CPE: variants seen among roughly 807,000 people sequenced by gnomAD.
The protein encoded by CPE is carboxypeptidase E.
A neutral mutation model predicts 53.5 loss-of-function variants in CPE; 17 were observed. The observed-to-expected ratio is 0.32, with a 90% confidence interval of 0.22 to 0.48. The LOEUF is 0.48. CPE is among the 20% of genes least tolerant of loss of function. The pLI is 0.99. For missense variants in CPE, 524 were observed against 614.7 expected (o/e 0.85, Z 1.56); for synonymous variants, 226 against 228.8 (o/e 0.99, Z 0.11).
intron 1 of CPE, among the ~76,000 whole-genome samples, chr4:165,393,374 C>A (rs1015731032): frequency 6.6e-6 from 1 of 152,134 alleles, no homozygotes; most frequent in East Asian, 1.9e-4. Context: ...CTAATTTTTC[C>A]AATTATAGGT....
Position 165,404,185 on chromosome 4 carries a change from A to C in CPE, c.307+24657A>C, listed in dbSNP as rs1442882202. The C allele has an allele frequency of 6.6e-6, 5 of 760,196 alleles. No individual in the cohort carries two copies. The East Asian group carries it at 9.9e-5, about 15-fold the overall frequency. 47.1% of individuals were successfully genotyped at this position (760,196 alleles called of 1,614,324 possible). ...GCCGGTCCACTATCTTCTGGGCTTC[A>C]TACAGATCCACAAAGCAGAAAGGCC... On this transcript the variant is annotated intron_variant, in intron 1 of 8. Coordinates refer to ENST00000402744, the MANE Select transcript of CPE (RefSeq NM_001873.4).
rs375524593 is a variant in CPE, at chr4:165,397,637, G to A, written c.307+18109G>A. Reference sequence around the variant, plus strand: ...TACCATCTTATCTTGATTATACAACGTATTTCCAAATATTATTTTAGATTC... The same window carrying A: ...TACCATCTTATCTTGATTATACAACATATTTCCAAATATTATTTTAGATTC... On this transcript the variant is annotated intron_variant, in intron 1 of 8. Coordinates refer to ENST00000402744, the MANE Select transcript of CPE (RefSeq NM_001873.4). Among the ~76,000 whole-genome samples, 17 of 152,082 alleles carry A rather than the reference G, an allele frequency of 1.1e-4. 2 individuals are homozygous for A. Among genetic ancestry groups the A allele is most frequent in the Admixed American group, 3.3e-4 (5 of 15,258 alleles).
chr4:165,470,185 G>T (rs1370007440), intron 3 of CPE, among the ~76,000 whole-genome samples: 1 of 152,176 alleles, frequency 6.6e-6, no homozygotes, highest in African/African-American at 2.4e-5. Context: ...AGGAGGTAAA[G>T]TACACTTGGA....
intron 1 of CPE, among the ~76,000 whole-genome samples, chr4:165,407,026 A>G (rs1267881750): frequency 1.3e-5 from 2 of 152,188 alleles, no homozygotes; most frequent in African/African-American, 2.4e-5. Flanking sequence ...TTTGTCTATC[A>G]TGAACAAGGC....
At chr4:165,486,731 GTTATC>G in intron 5 of CPE, among the ~76,000 whole-genome samples, 1 of 152,162 alleles carries the variant, frequency 6.6e-6, no homozygotes, top group East Asian at 1.9e-4. Flanking sequence ...TTTTGTCTGC[GTTATC>G]TTATGTAAAA....
At chr4:165,404,309 T>G in intron 1 of CPE, 3 of 771,648 alleles carry the variant, frequency 3.9e-6, no homozygotes, top group Non-Finnish European at 7.3e-6. Flanking sequence ...GACTGCCTCA[T>G]TCACAAATCT....
intron 1 of CPE, among the ~76,000 whole-genome samples, chr4:165,389,260 G>A (rs1327232641): frequency 2.6e-5 from 4 of 152,166 alleles, no homozygotes; most frequent in East Asian, 3.9e-4. Flanking sequence ...TGCAGAAGTC[G>A]TCTTTGTTTT....
At chr4:165,424,951 T>G (rs1032670313) in intron 1 of CPE, among the ~76,000 whole-genome samples, 3 of 150,822 alleles carry the variant, frequency 2.0e-5, no homozygotes, top group Non-Finnish European at 4.4e-5. Context: ...CTTGGCTCAC[T>G]GCAACCTACA....
chr4:165,425,957 T>A (rs998608598), intron 1 of CPE, among the ~76,000 whole-genome samples: 1 of 152,210 alleles, frequency 6.6e-6, no homozygotes, highest in African/African-American at 2.4e-5. Flanking sequence ...GTAGCTTACA[T>A]GCTACCTATT....
At chr4:165,491,070 G>A (rs959862364) in intron 6 of CPE, among the ~76,000 whole-genome samples, 11 of 152,238 alleles carry the variant, frequency 7.2e-5, no homozygotes, top group Non-Finnish European at 1.5e-4. Context: ...TACTACACTG[G>A]AATTTTTCAA....
At chr4:165,417,362 A>G (rs1435714582) in intron 1 of CPE, among the ~76,000 whole-genome samples, 1 of 152,224 alleles carries the variant, frequency 6.6e-6, no homozygotes, top group Non-Finnish European at 1.5e-5. Flanking sequence ...GCTATTCATT[A>G]TAGAGCAGTT....
chr4:165,462,035 A>G (rs1467893042), intron 1 of CPE, among the ~76,000 whole-genome samples: 6 of 152,310 alleles, frequency 3.9e-5, no homozygotes, highest in Middle Eastern at 3.4e-3. Context: ...TGTTATTGTC[A>G]TTAGTGTTAC....
chr4:165,448,311 C>G (rs1386526718), intron 1 of CPE, among the ~76,000 whole-genome samples: 1 of 152,078 alleles, frequency 6.6e-6, no homozygotes, highest in East Asian at 1.9e-4. Flanking sequence ...TTACGATGGA[C>G]CAAGTGTAGC....
intron 2 of CPE, among the ~76,000 whole-genome samples, chr4:165,465,040 T>G (rs1732074079): frequency 6.6e-6 from 1 of 152,232 alleles, no homozygotes; most frequent in Admixed American, 6.5e-5. Flanking sequence ...TACTGATGTT[T>G]ACTTGGTTTT....
At chr4:165,441,671 T>A (rs1382485890) in intron 1 of CPE, among the ~76,000 whole-genome samples, 1 of 152,184 alleles carries the variant, frequency 6.6e-6, no homozygotes, top group Non-Finnish European at 1.5e-5. Context: ...TGGCTCTGAG[T>A]TGAGTCAAAA....
chr4:165,481,318 G>A (rs767933050), intron 3 of CPE, among the ~76,000 whole-genome samples: 2 of 152,132 alleles, frequency 1.3e-5, no homozygotes, highest in Non-Finnish European at 2.9e-5. Context: ...TTGAAGTGCA[G>A]TAAAATAGTT....
intron 1 of CPE, among the ~76,000 whole-genome samples, chr4:165,418,720 T>C (rs1032844900): frequency 3.3e-5 from 5 of 152,172 alleles, no homozygotes; most frequent in African/African-American, 1.2e-4. Flanking sequence ...TGTTAATAGA[T>C]TGCTAAGGTA....
At chr4:165,453,022 G>A (rs1005147903) in intron 1 of CPE, among the ~76,000 whole-genome samples, 1 of 152,040 alleles carries the variant, frequency 6.6e-6, no homozygotes, top group African/African-American at 2.4e-5. Flanking sequence ...TGTCGCCCAG[G>A]CTGGAGTGCA....
chr4:165,497,280 C>T (rs1732718049), intron 8 of CPE, among the ~76,000 whole-genome samples: 1 of 152,114 alleles, frequency 6.6e-6, no homozygotes, highest in African/African-American at 2.4e-5. Flanking sequence ...TTATATCTGT[C>T]TTCAAAGCTA....
Sources: gnomAD v4.1 joint callset for allele counts (sites outside exome capture counted in the v4.1 genomes callset) on GRCh38, gnomAD v4.1.1 for gene constraint, MANE v1.5 for transcripts, NCBI Gene and HGNC (gene_info 2026-07-23, HGNC 2026-07-21) for gene names.